Variants in PKP4 observed in about 807,000 individuals in gnomAD.
PKP4 encodes the protein plakophilin-4.
PKP4 carries 90 observed loss-of-function variants against 145.1 expected under a neutral mutation model. The ratio of observed to expected loss-of-function variants is 0.62; its 90% CI spans 0.52 to 0.74. The LOEUF is 0.74. Ranked by LOEUF, PKP4 falls within the 30% of genes least tolerant of loss-of-function variation. PKP4 has a pLI of 0.00. For synonymous variants in PKP4, 563 were observed against 577.2 expected, an observed-to-expected ratio of 0.98 and a Z score of 0.35; for missense variants, 1,340 against 1,482.7, an observed-to-expected ratio of 0.90 and a Z score of 1.58.
intron 2 of PKP4, among the ~76,000 whole-genome samples, chr2:158,557,114 G>T: frequency 6.6e-6 from 1 of 152,054 alleles, no homozygotes; most frequent in South Asian, 2.1e-4. Context: ...TATATTCCTC[G>T]TGGGGTTATT....
Position 158,625,122 on chromosome 2 carries a change from C to G in PKP4, c.848C>G (p.Thr283Arg), listed in dbSNP as rs1216330490. 2 of 1,614,216 alleles carry G rather than the reference C, an allele frequency of 1.2e-6. No individual in the cohort carries two copies. The highest frequency in any genetic ancestry group is 8.5e-7 in the Non-Finnish European group (1 of 1,180,034). The change falls in exon 7 of 22, where the codon ACA (threonine) becomes AGA (arginine). Residue 283 changes from threonine to arginine, a missense_variant. Coordinates refer to ENST00000389759, the MANE Select transcript of PKP4 (RefSeq NM_003628.6). ...SPYSQRPASPTAIRRIGSVTS... is the reference protein window; with the variant it reads ...SPYSQRPASPRAIRRIGSVTS... Reference sequence around the variant, plus strand: ...TACTCACAGAGACCCGCCTCCCCAACAGCTATACGGCGGATTGGGTCAGTC... The same window carrying G: ...TACTCACAGAGACCCGCCTCCCCAAGAGCTATACGGCGGATTGGGTCAGTC...
intron 3 of PKP4, among the ~76,000 whole-genome samples, chr2:158,599,877 G>C (rs1248993141): frequency 6.6e-6 from 1 of 152,152 alleles, no homozygotes; most frequent in Non-Finnish European, 1.5e-5. Context: ...GGCTGGAGGG[G>C]ATTATGAGCA....
chr2:158,673,224 T>C (rs1286535158), intron 17 of PKP4, among the ~76,000 whole-genome samples: 1 of 152,154 alleles, frequency 6.6e-6, no homozygotes, highest in African/African-American at 2.4e-5. Flanking sequence ...GAGGTATGAA[T>C]GATAAGGCAA....
chr2:158,608,601 G>A (rs2050841929), intron 4 of PKP4, among the ~76,000 whole-genome samples: 1 of 152,012 alleles, frequency 6.6e-6, no homozygotes, highest in East Asian at 1.9e-4. Flanking sequence ...GAAGGAGGAA[G>A]GGTATTAACT....
chr2:158,550,280 A>G (rs1363062027), intron 2 of PKP4, among the ~76,000 whole-genome samples: 1 of 152,234 alleles, frequency 6.6e-6, no homozygotes, highest in Non-Finnish European at 1.5e-5. Context: ...TATAGCTTAC[A>G]AAGTCATAAC....
intron 11 of PKP4, among the ~76,000 whole-genome samples, chr2:158,649,600 A>G (rs1420500297): frequency 6.6e-6 from 1 of 152,206 alleles, no homozygotes; most frequent in Non-Finnish European, 1.5e-5. Context: ...TTTGAGTATG[A>G]AAAGATTCAA....
chr2:158,647,574 A>T (rs1276071936), intron 11 of PKP4, among the ~76,000 whole-genome samples: 1 of 144,240 alleles, frequency 6.9e-6, no homozygotes, highest in Non-Finnish European at 1.6e-5. Flanking sequence ...TTCAGAGGGA[A>T]AAAAGGACTT....
chr2:158,653,688 G>C (rs1427219755), intron 11 of PKP4, among the ~76,000 whole-genome samples: 1 of 152,194 alleles, frequency 6.6e-6, no homozygotes, highest in African/African-American at 2.4e-5. Flanking sequence ...CCAAATTCTA[G>C]TTTATTTTTA....
chr2:158,473,267 G>T (rs1691887593), intron 1 of PKP4, among the ~76,000 whole-genome samples: 1 of 152,130 alleles, frequency 6.6e-6, no homozygotes. Flanking sequence ...TCAAAGAGCT[G>T]AAAGCAGAAC....
chr2:158,499,683 C>T (rs918560567), intron 1 of PKP4, among the ~76,000 whole-genome samples: 2 of 152,106 alleles, frequency 1.3e-5, no homozygotes, highest in African/African-American at 4.8e-5. Flanking sequence ...TCAATGGCAG[C>T]GTGTTCTAAG....
At chr2:158,475,306 T>C (rs1253918912) in intron 1 of PKP4, among the ~76,000 whole-genome samples, 1 of 152,226 alleles carries the variant, frequency 6.6e-6, no homozygotes, top group Non-Finnish European at 1.5e-5. Context: ...CCTCACTAGA[T>C]TGTGGACTTT....
intron 2 of PKP4, among the ~76,000 whole-genome samples, chr2:158,559,554 G>T (rs929691790): frequency 2.6e-5 from 4 of 152,074 alleles, no homozygotes; most frequent in African/African-American, 9.7e-5. Flanking sequence ...CAAGCATTCA[G>T]TTTAGAGATG....
chr2:158,676,895 A>C, intron 20 of PKP4, 28 bp downstream of exon 20: 2 of 1,613,856 alleles, frequency 1.2e-6, no homozygotes, highest in Non-Finnish European at 1.7e-6. Flanking sequence ...TGTGTGATAC[A>C]GTCTCTTGAA....
chr2:158,521,687 G>T (rs930399564), intron 1 of PKP4, among the ~76,000 whole-genome samples: 2 of 152,050 alleles, frequency 1.3e-5, no homozygotes, highest in African/African-American at 4.8e-5. Context: ...TAGAATTCTA[G>T]ACTCGATACC....
intron 3 of PKP4, among the ~76,000 whole-genome samples, chr2:158,580,052 T>C (rs2048203539): frequency 6.6e-6 from 1 of 152,160 alleles, no homozygotes. Context: ...ATCTGTAGCA[T>C]TTTATTCAAG....
At position 158,457,067 on chromosome 2, in the gene PKP4, C is replaced by T. The variant is rs1688849697; in HGVS notation, c.-157C>T. The T allele has an allele frequency of 1.5e-5, 2 of 135,408 alleles. No individual in the cohort carries two copies. Among genetic ancestry groups the T allele is most frequent in the South Asian group, 2.8e-4 (1 of 3,632 alleles). The allele number at this position is 135,408 out of a possible 1,614,324, so 8.4% of individuals were successfully genotyped here. ...CCGCCGCCGGGGGTGGTGGGAGAGCCGCTCCGGGGGCGGGGGCCGGTGGGG... is the reference window on the plus strand; with the variant it reads ...CCGCCGCCGGGGGTGGTGGGAGAGCTGCTCCGGGGGCGGGGGCCGGTGGGG... On this transcript the variant is annotated 5_prime_UTR_variant, in exon 1 of 22. Transcript: ENST00000389759.
intron 10 of PKP4, among the ~76,000 whole-genome samples, chr2:158,641,737 A>G (rs1163056349): frequency 6.6e-6 from 1 of 152,208 alleles, no homozygotes; most frequent in African/African-American, 2.4e-5. Flanking sequence ...AATGGAAGAA[A>G]ATTTAAGGAG....
intron 1 of PKP4, among the ~76,000 whole-genome samples, chr2:158,495,395 A>G (rs1204685752): frequency 6.6e-6 from 1 of 151,586 alleles, no homozygotes; most frequent in East Asian, 1.9e-4. Context: ...CACTTGGCTC[A>G]TCACTTCTAA....
At chr2:158,569,762 A>G (rs1009645609) in intron 2 of PKP4, among the ~76,000 whole-genome samples, 5 of 152,210 alleles carry the variant, frequency 3.3e-5, no homozygotes, top group Non-Finnish European at 5.9e-5. Flanking sequence ...AATAAATCAA[A>G]GAAGTGCTGG....
Sources: allele counts gnomAD v4.1 joint callset (sites outside exome capture counted in the v4.1 genomes callset), GRCh38; gene constraint gnomAD v4.1.1; transcripts MANE v1.5; gene names NCBI Gene and HGNC (gene_info 2026-07-23, HGNC 2026-07-21).